Variants in PXT1 observed in about 807,000 individuals in gnomAD.
The protein encoded by PXT1 is peroxisomal testis enriched protein 1, also known as peroxisomal testis-specific protein 1.
In PXT1, 11 loss-of-function variants were observed where a neutral mutation model predicts 11.0. The observed-to-expected ratio is 1.00, with a 90% CI of 0.63 to 1.66. PXT1 has a LOEUF of 1.66. Among genes scored for constraint, PXT1 ranks in the 40% most tolerant of loss-of-function variants. The pLI is 0.00. For synonymous variants in PXT1, 43 were observed against 51.4 expected, an observed-to-expected ratio of 0.84 and a Z score of 0.70; for missense variants, 141 against 155.5, an observed-to-expected ratio of 0.91 and a Z score of 0.49.
chr6:36,433,240 T>C (rs1469058417), intron 2 of PXT1, among the ~76,000 whole-genome samples: 1 of 152,018 alleles, frequency 6.6e-6, no homozygotes, highest in Non-Finnish European at 1.5e-5. Context: ...CAGAGAAATA[T>C]GATATCCATG....
At chr6:36,398,849 A>G (rs1036913415) in intron 4 of PXT1, among the ~76,000 whole-genome samples, 2 of 152,116 alleles carry the variant, frequency 1.3e-5, no homozygotes, top group African/African-American at 2.4e-5. Flanking sequence ...GTCACTCTCC[A>G]TCAGTCAGTG....
intron 4 of PXT1, among the ~76,000 whole-genome samples, chr6:36,394,897 G>A (rs1344104532): frequency 6.6e-6 from 1 of 151,942 alleles, no homozygotes; most frequent in East Asian, 1.9e-4. Context: ...GAATTCCTGG[G>A]CTCAAGCAAT....
At chr6:36,399,866 G>A (rs1774190265) in intron 4 of PXT1, among the ~76,000 whole-genome samples, 1 of 152,128 alleles carries the variant, frequency 6.6e-6, no homozygotes, top group African/African-American at 2.4e-5. Flanking sequence ...GCCAGGGTAG[G>A]GCCTGCATCC....
intron 2 of PXT1, among the ~76,000 whole-genome samples, chr6:36,431,469 G>A (rs552656254): frequency 1.4e-4 from 22 of 152,218 alleles, no homozygotes; most frequent in African/African-American, 5.3e-4. Context: ...CATGTTGGGC[G>A]TTACAAGAGT....
chr6:36,434,596 A>G (rs1561934886), intron 2 of PXT1, among the ~76,000 whole-genome samples: 16 of 152,208 alleles, frequency 1.1e-4, no homozygotes. Context: ...TTTTGATGAA[A>G]TAGTTGGGTG....
intron 3 of PXT1, among the ~76,000 whole-genome samples, chr6:36,411,940 C>G (rs1774381049): frequency 6.6e-6 from 1 of 151,286 alleles, no homozygotes; most frequent in Non-Finnish European, 1.5e-5. Context: ...AGAGTAAGAC[C>G]TTGCCAAAAA....
chr6:36,433,049 A>G (rs1774715144), intron 2 of PXT1, among the ~76,000 whole-genome samples: 2 of 152,190 alleles, frequency 1.3e-5, no homozygotes, highest in African/African-American at 2.4e-5. Context: ...AGAATTTCCA[A>G]TTAGCTTTTA....
At chr6:36,414,275 T>C (rs9368929) in intron 3 of PXT1, among the ~76,000 whole-genome samples, 71,061 of 151,984 alleles carry the variant, frequency 0.47, 17,113 homozygotes, top group Middle Eastern at 0.58. Flanking sequence ...AGATAACAAC[T>C]CTCAAAGGGA....
chr6:36,400,423 C>A, intron 4 of PXT1, 31 bp downstream of exon 4: 1 of 1,610,178 alleles, frequency 6.2e-7, no homozygotes, highest in Non-Finnish European at 8.5e-7. Context: ...TCCTACCTGA[C>A]AGGCCCTGGC....
intron 3 of PXT1, among the ~76,000 whole-genome samples, chr6:36,421,757 G>A (rs919532262): frequency 2.6e-5 from 4 of 152,102 alleles, no homozygotes; most frequent in Non-Finnish European, 5.9e-5. Flanking sequence ...GAGGCAAGCC[G>A]CTGCACTAGC....
At chr6:36,403,505 A>T (rs1265510349) in intron 3 of PXT1, among the ~76,000 whole-genome samples, 1 of 152,192 alleles carries the variant, frequency 6.6e-6, no homozygotes, top group Non-Finnish European at 1.5e-5. Context: ...AGAGAACGTG[A>T]TGGAGAGAGG....
chr6:36,412,643 A>G (rs1774390945), intron 3 of PXT1, among the ~76,000 whole-genome samples: 1 of 132,268 alleles, frequency 7.6e-6, no homozygotes, highest in African/African-American at 3.0e-5. Context: ...CTGGCAAGAG[A>G]GCAAGACTCC....
chr6:36,414,281 A>G (rs770070117), intron 3 of PXT1, among the ~76,000 whole-genome samples: 36 of 152,192 alleles, frequency 2.4e-4, no homozygotes, highest in Non-Finnish European at 4.4e-4. Flanking sequence ...CAACTCTCAA[A>G]GGGAAGTTCC....
chr6:36,411,986 GA>G (rs1443810661), intron 3 of PXT1, among the ~76,000 whole-genome samples: 1 of 152,042 alleles, frequency 6.6e-6, no homozygotes, highest in African/African-American at 2.4e-5. Flanking sequence ...TAATCCTGAA[GA>G]AAACACATAA....
intron 3 of PXT1, among the ~76,000 whole-genome samples, chr6:36,420,454 A>C (rs116650120): frequency 0.024 from 3,659 of 152,300 alleles, 48 homozygotes; most frequent in Non-Finnish European, 0.027. Context: ...TTTTCATCCA[A>C]AAATAGGAAC....
intron 3 of PXT1, among the ~76,000 whole-genome samples, chr6:36,404,148 A>AC (rs1272050313): frequency 3.3e-5 from 5 of 152,184 alleles, no homozygotes; most frequent in Non-Finnish European, 5.9e-5. Context: ...GGAACCAGGA[A>AC]AATGATGTCA....
At chr6:36,419,970 A>G (rs1274160082) in intron 3 of PXT1, among the ~76,000 whole-genome samples, 1 of 152,194 alleles carries the variant, frequency 6.6e-6, no homozygotes. Context: ...CTCAGCCAAG[A>G]GTAAGCTCCT....
intron 3 of PXT1, among the ~76,000 whole-genome samples, chr6:36,407,703 C>T (rs1001408153): frequency 1.3e-5 from 2 of 151,748 alleles, no homozygotes; most frequent in South Asian, 4.2e-4. Flanking sequence ...AATCCTAAAA[C>T]ACAACTTAAG....
In PXT1 at chr6:36,425,993, C is replaced by T; in HGVS notation, c.90G>A (p.Trp30Ter). The T allele has an allele frequency of 6.5e-7, 1 of 1,533,026 alleles. No individual in the cohort carries two copies. The highest frequency in any genetic ancestry group is 8.7e-7 in the Non-Finnish European group (1 of 1,144,850). 95.0% of individuals were successfully genotyped at this position (1,533,026 alleles called of 1,614,324 possible). ...ATGCCTTCTGAAAACTGTATTTTAACCACAGTGATTTGCAACAATGTGTTA... is the reference window on the plus strand; with the variant it reads ...ATGCCTTCTGAAAACTGTATTTTAATCACAGTGATTTGCAACAATGTGTTA... ...PKVTHCCKSL[W>*]LKYSFQKAYM... The change falls in exon 3 of 5, where the codon TGG becomes TGA. Residue 30 changes from tryptophan (W) to a stop codon, truncating the protein, a stop_gained. Coordinates refer to ENST00000454782, the MANE Select transcript of PXT1 (RefSeq NM_152990.4). LOFTEE classifies it high-confidence loss of function.
Sources: gnomAD v4.1 joint callset for allele counts (sites outside exome capture counted in the v4.1 genomes callset) on GRCh38, gnomAD v4.1.1 for gene constraint, MANE v1.5 for transcripts, NCBI Gene and HGNC (gene_info 2026-07-23, HGNC 2026-07-21) for gene names.